Variants in AGMO observed in about 807,000 individuals in gnomAD.
AGMO encodes glyceryl-ether monooxygenase.
In AGMO, 75 loss-of-function variants were observed where a neutral mutation model predicts 60.2. The ratio of observed to expected loss-of-function variants is 1.25; its 90% CI spans 1.03 to 1.51. The LOEUF (loss-of-function observed/expected upper bound fraction) is 1.51, where lower values mean the gene tolerates loss of function less well. AGMO is among the 40% of genes most tolerant of loss of function. The probability of loss-of-function intolerance (pLI) is 0.00; values close to 1 mark genes in which losing one functional copy is unlikely to be tolerated. For missense variants in AGMO, 763 were observed against 525.5 expected (o/e 1.45, Z -4.42); for synonymous variants, 261 against 177.1 (o/e 1.47, Z -3.76).
intron 3 of AGMO, among the ~76,000 whole-genome samples, chr7:15,483,103 G>C (rs1473348115): frequency 6.6e-6 from 1 of 152,048 alleles, no homozygotes; most frequent in Non-Finnish European, 1.5e-5. Context: ...AAATAATACT[G>C]TTACTGTAGC....
chr7:15,456,207 C>G (rs1473274663), intron 3 of AGMO, among the ~76,000 whole-genome samples: 3 of 151,846 alleles, frequency 2.0e-5, no homozygotes, highest in African/African-American at 7.3e-5. Flanking sequence ...TCACTTTGTT[C>G]TCTGTATTTT....
chr7:15,309,762 A>G (rs1780715794), intron 12 of AGMO, among the ~76,000 whole-genome samples: 1 of 152,160 alleles, frequency 6.6e-6, no homozygotes, highest in Non-Finnish European at 1.5e-5. Context: ...GAATACAAAT[A>G]AAGCCCAGAG....
chr7:15,123,721 T>G, the AGMO span, among the ~76,000 whole-genome samples: 1 of 152,006 alleles, frequency 6.6e-6, no homozygotes, highest in East Asian at 1.9e-4. Flanking sequence ...GTCATTATGC[T>G]TCACTGAAAA....
chr7:15,365,797 C>T (rs977300458), intron 11 of AGMO, among the ~76,000 whole-genome samples, 178 bp from the exon 12 acceptor site: 8 of 151,936 alleles, frequency 5.3e-5, no homozygotes, highest in Non-Finnish European at 8.8e-5. Context: ...TCATCTTTTT[C>T]GGGAAAATCT....
intron 12 of AGMO, among the ~76,000 whole-genome samples, chr7:15,286,726 T>C (rs1784110823): frequency 6.6e-6 from 1 of 152,102 alleles, no homozygotes; most frequent in Non-Finnish European, 1.5e-5. Flanking sequence ...CTACTGGGTA[T>C]CTCTCCAAAG....
intron 3 of AGMO, among the ~76,000 whole-genome samples, chr7:15,493,220 C>G (rs1316457421): frequency 6.6e-6 from 1 of 151,620 alleles, no homozygotes; most frequent in Non-Finnish European, 1.5e-5. Context: ...AATTGTTATC[C>G]AAATTCAGCT....
intron 3 of AGMO, among the ~76,000 whole-genome samples, chr7:15,473,935 T>A (rs1782521082): frequency 6.6e-6 from 1 of 151,828 alleles, no homozygotes; most frequent in African/African-American, 2.4e-5. Flanking sequence ...AAATCAAGAG[T>A]GAGCTTCCAT....
chr7:15,344,349 G>A (rs1304354144), intron 12 of AGMO, among the ~76,000 whole-genome samples: 2 of 152,154 alleles, frequency 1.3e-5, no homozygotes, highest in African/African-American at 2.4e-5. Flanking sequence ...AGGACTAATT[G>A]TTTTCAATGT....
chr7:15,159,847 T>A, the AGMO span, among the ~76,000 whole-genome samples: 1 of 152,176 alleles, frequency 6.6e-6, no homozygotes, highest in Non-Finnish European at 1.5e-5. Flanking sequence ...GTGACAAAGG[T>A]CCTGCATATT....
At chr7:15,463,271 A>G (rs948384638) in intron 3 of AGMO, among the ~76,000 whole-genome samples, 9 of 152,318 alleles carry the variant, frequency 5.9e-5, no homozygotes, top group African/African-American at 1.2e-4. Flanking sequence ...ATGGACCTCA[A>G]TAAAGAATTT....
intron 12 of AGMO, among the ~76,000 whole-genome samples, chr7:15,350,851 T>C (rs1486928170): frequency 6.6e-6 from 1 of 152,188 alleles, no homozygotes; most frequent in Non-Finnish European, 1.5e-5. Context: ...GTGCTGAGCA[T>C]ATGGAGAACA....
At chr7:15,542,478 T>C (rs1022576402) in intron 3 of AGMO, among the ~76,000 whole-genome samples, 1 of 152,200 alleles carries the variant, frequency 6.6e-6, no homozygotes. Context: ...ATTGGTAATA[T>C]CTTGTTGATT....
the AGMO span, among the ~76,000 whole-genome samples, chr7:15,122,348 G>C: frequency 6.6e-6 from 1 of 152,060 alleles, no homozygotes; most frequent in Non-Finnish European, 1.5e-5. Flanking sequence ...CATTGTTCCT[G>C]TGTACTTCTG....
the AGMO span, among the ~76,000 whole-genome samples, chr7:15,194,111 T>C: frequency 2.2e-3 from 339 of 152,172 alleles, 1 homozygote; most frequent in Middle Eastern, 6.8e-3. Context: ...ACAAAACAAA[T>C]ATAATTTTAT....
chr7:15,370,475 T>TAGTTCAG (rs1583468432), intron 10 of AGMO, among the ~76,000 whole-genome samples: 1 of 152,224 alleles, frequency 6.6e-6, no homozygotes, highest in East Asian at 1.9e-4. Flanking sequence ...CAAACTGCTT[T>TAGTTCAG]CCACAGTGGC....
intron 2 of AGMO, among the ~76,000 whole-genome samples, chr7:15,551,476 G>C (rs1784958560): frequency 6.7e-6 from 1 of 149,252 alleles, no homozygotes; most frequent in South Asian, 2.2e-4. Context: ...AAAGTCTCAG[G>C]ATACAAAATC....
intron 12 of AGMO, among the ~76,000 whole-genome samples, chr7:15,236,777 A>G (rs1177782487): frequency 2.6e-5 from 4 of 152,044 alleles, no homozygotes; most frequent in Non-Finnish European, 4.4e-5. Flanking sequence ...AAGAACAAAA[A>G]AAAATGGAGT....
At chr7:15,405,212 C>T (rs1784655640) in intron 5 of AGMO, among the ~76,000 whole-genome samples, 1 of 151,806 alleles carries the variant, frequency 6.6e-6, no homozygotes, top group Admixed American at 6.6e-5. Flanking sequence ...CTTTCTCTGC[C>T]TCCTGACAAT....
At chr7:15,328,537 T>C (rs1050662920) in intron 12 of AGMO, among the ~76,000 whole-genome samples, 4 of 152,174 alleles carry the variant, frequency 2.6e-5, no homozygotes, top group South Asian at 2.1e-4. Flanking sequence ...ACAGGAATAA[T>C]TGAAAGACCA....
Sources: gnomAD v4.1 joint callset for allele counts (sites outside exome capture counted in the v4.1 genomes callset) on GRCh38, gnomAD v4.1.1 for gene constraint, MANE v1.5 for transcripts, NCBI Gene and HGNC (gene_info 2026-07-23, HGNC 2026-07-21) for gene names.